JADE2: variants seen among roughly 807,000 people sequenced by gnomAD.
The protein encoded by JADE2 is jade family PHD finger 2.
In JADE2, 13 loss-of-function variants were observed where a neutral mutation model predicts 85.7. The ratio of observed to expected loss-of-function variants is 0.15; its 90% CI spans 0.10 to 0.24. The LOEUF is 0.24. Among genes scored for constraint, JADE2 ranks in the 10% least tolerant of loss-of-function variants. The probability of loss-of-function intolerance (pLI) is 1.00; values close to 1 mark genes in which losing one functional copy is unlikely to be tolerated. For synonymous variants in JADE2, 440 were observed against 456.1 expected, an observed-to-expected ratio of 0.96 and a Z score of 0.45; for missense variants, 846 against 1,115.9, an observed-to-expected ratio of 0.76 and a Z score of 3.45.
rs776562479 is a variant in JADE2, at chr5:134,566,211, C to G, written c.1065C>G (p.Val355=). The G allele has an allele frequency of 5.6e-6, 9 of 1,614,026 alleles. No homozygotes were observed. In the Admixed American group the frequency reaches 1.5e-4, roughly 27 times the overall value. ...CTATATTAGCAGACAACGATGAGGTCAAGTTCAAGTCATTCTGCCAGGAGC... is the reference window on the plus strand; with the variant it reads ...CTATATTAGCAGACAACGATGAGGTGAAGTTCAAGTCATTCTGCCAGGAGC... ...MRTILADNDE[V]KFKSFCQEHS... Residue 355 remains valine (V), a synonymous_variant, in exon 9 of 12, where the codon GTC becomes GTG. Transcript: ENST00000681547. The surrounding 1 kb of genome is among the most constrained non-coding windows in gnomAD (Gnocchi z 6.7).
chr5:134,566,002 T>G lies in JADE2; in HGVS notation c.970-114T>G. 5 of 896,542 alleles carry G rather than the reference T, an allele frequency of 5.6e-6. No homozygotes were observed. Among genetic ancestry groups the G allele is most frequent in the Non-Finnish European group, 8.6e-6 (5 of 578,532 alleles). 55.5% of individuals were successfully genotyped at this position (896,542 alleles called of 1,614,324 possible). Reference sequence around the variant, plus strand: ...GGTTGGGAGCCCATGCCATTCTGTTTAGGTTCTCTCCAGCATTGCGCATTC... The same window carrying G: ...GGTTGGGAGCCCATGCCATTCTGTTGAGGTTCTCTCCAGCATTGCGCATTC... On this transcript the variant is annotated intron_variant, in intron 8 of 11. Transcript: ENST00000681547. The surrounding 1 kb of genome is among the most constrained non-coding windows in gnomAD (Gnocchi z 6.7).
chr5:134,577,230 G>C (rs971713626), intron 11 of JADE2, among the ~76,000 whole-genome samples: 1 of 152,228 alleles, frequency 6.6e-6, no homozygotes, highest in Admixed American at 6.5e-5. Flanking sequence ...CATGCTGGGA[G>C]GGGAGGATCT....
chr5:134,534,585 C>A (rs1458872820), intron 1 of JADE2, among the ~76,000 whole-genome samples: 1 of 152,164 alleles, frequency 6.6e-6, no homozygotes, highest in Non-Finnish European at 1.5e-5. Flanking sequence ...AGAGCAGATG[C>A]TCACTAGTCT....
intron 8 of JADE2, among the ~76,000 whole-genome samples, chr5:134,565,606 A>G (rs1325450676): frequency 6.6e-6 from 1 of 152,162 alleles, no homozygotes; most frequent in Non-Finnish European, 1.5e-5. Context: ...GCACTTTGGG[A>G]GGCCGAGGCA....
intron 1 of JADE2, among the ~76,000 whole-genome samples, chr5:134,530,994 C>G (rs530565465): frequency 6.6e-6 from 1 of 152,320 alleles, no homozygotes; most frequent in South Asian, 2.1e-4. Flanking sequence ...ATGGAATATA[C>G]ATTCCCAAGG....
Position 134,562,122 on chromosome 5 carries a change from G to A in JADE2, c.685-78G>A. 1.4e-6 allele frequency: 2 copies of A among 1,447,178 alleles called. No homozygotes were observed. Among genetic ancestry groups the A allele is most frequent in the Non-Finnish European group, 1.9e-6 (2 of 1,063,882 alleles). 89.6% of individuals were successfully genotyped at this position (1,447,178 alleles called of 1,614,324 possible). On this transcript the variant is annotated intron_variant, in intron 6 of 11. Transcript: ENST00000681547. This position sits in a 1 kb window ranked among gnomAD's most constrained non-coding sequence, Gnocchi z 4.6. ...AGCAGTGTAGCATGGGGCTGGCACT[G>A]GACCAAATGCAGCTGACTGCTGACC...
At chr5:134,526,153 C>A in intron 1 of JADE2, 142 bp downstream of exon 1, 13 of 985,472 alleles carry the variant, frequency 1.3e-5, no homozygotes, top group Non-Finnish European at 1.6e-5. Context: ...GCTGCCTGTT[C>A]TAGGAAGCCA....
rs149337003 is a variant in JADE2 at position 134,541,745 on chromosome 5, G to C, written c.153+3662G>C. 8.9e-3 allele frequency among the ~76,000 whole-genome samples: 1,358 copies of C among 152,350 alleles called. 12 individuals carry two copies. The highest frequency in any genetic ancestry group is 0.017 in the South Asian group (83 of 4,834). ...CACAGTGAATCCAACAGCTATGAAA[G>C]GGCTGGGGTTGGGTTTGGGTGGGAT... On this transcript the variant is annotated intron_variant, in intron 3 of 11. Coordinates refer to ENST00000681547, the MANE Select transcript of JADE2 (RefSeq NM_001388185.1).
At chr5:134,575,234 A>G (rs1326504214) in intron 10 of JADE2, 8 of 152,224 alleles carry the variant, frequency 5.3e-5, no homozygotes, top group Non-Finnish European at 1.5e-5. Context: ...TGCTGCTCAC[A>G]CTGTTGAGAG....
chr5:134,562,432 C>G lies in JADE2; in HGVS notation c.852+65C>G. The G allele has an allele frequency of 1.4e-6, 2 of 1,472,104 alleles. No homozygotes were observed. The highest frequency in any genetic ancestry group is 2.5e-5 in the South Asian group (2 of 80,528). 91.2% of individuals were successfully genotyped at this position (1,472,104 alleles called of 1,614,324 possible). Reference sequence around the variant, plus strand: ...CGTGGGGAAGTGGGTCTGCATGGGACTCAGGTAGCAGAGCACTGGGAAAAG... The same window carrying G: ...CGTGGGGAAGTGGGTCTGCATGGGAGTCAGGTAGCAGAGCACTGGGAAAAG... On this transcript the variant is annotated intron_variant, in intron 7 of 11. Transcript: ENST00000681547. This position sits in a 1 kb window ranked among gnomAD's most constrained non-coding sequence, Gnocchi z 4.6.
intron 3 of JADE2, among the ~76,000 whole-genome samples, chr5:134,542,236 A>G (rs1300664120): frequency 1.3e-5 from 2 of 152,212 alleles, no homozygotes; most frequent in African/African-American, 4.8e-5. Flanking sequence ...CTAGGGAGCT[A>G]GTATAATAAT....
intron 3 of JADE2, 113 bp from the exon 4 acceptor site, chr5:134,551,939 T>C: frequency 1.1e-6 from 1 of 923,878 alleles, no homozygotes; most frequent in Admixed American, 2.0e-5. Flanking sequence ...TATTTCTAAG[T>C]GCGCAGGCAG....
chr5:134,533,430 T>C (rs1037669175), intron 1 of JADE2: 1 of 528,482 alleles, frequency 1.9e-6, no homozygotes, highest in African/African-American at 2.1e-5. Context: ...CTGGGAGGTA[T>C]GTCTTTCCCA....
intron 3 of JADE2, among the ~76,000 whole-genome samples, chr5:134,550,083 A>G (rs1762513526): frequency 6.6e-6 from 1 of 152,270 alleles, no homozygotes; most frequent in Non-Finnish European, 1.5e-5. Flanking sequence ...ACTTGCTAAT[A>G]AGATATGCAA....
chr5:134,564,868 T>G (rs1463903397), intron 8 of JADE2, among the ~76,000 whole-genome samples: 1 of 152,196 alleles, frequency 6.6e-6, no homozygotes, highest in Admixed American at 6.5e-5. Flanking sequence ...ACTCTGGCTT[T>G]CCCTGAAAGC....
At chr5:134,531,408 A>T (rs1354594544) in intron 1 of JADE2, among the ~76,000 whole-genome samples, 2 of 152,074 alleles carry the variant, frequency 1.3e-5, no homozygotes, top group Non-Finnish European at 2.9e-5. Flanking sequence ...TAGGGGCATG[A>T]TATGATCTGA....
At position 134,546,767 on chromosome 5, in the gene JADE2, C is replaced by CA. The variant is rs11340279; in HGVS notation, c.154-5272dup. 1.6e-3 allele frequency among the ~76,000 whole-genome samples: 211 copies of CA among 134,776 alleles called. 1 individual carries two copies. Among genetic ancestry groups the CA allele is most frequent in the Admixed American group, 2.3e-3 (31 of 13,652 alleles). 88.4% of individuals were successfully genotyped at this position (134,776 alleles called of 152,430 possible). On this transcript the variant is annotated intron_variant, in intron 3 of 11. Coordinates refer to ENST00000681547, the MANE Select transcript of JADE2 (RefSeq NM_001388185.1). The stretch of plus-strand genomic sequence containing the variant: ...TGGGTGACAGAACGAGACACCGTCT[C>CA]AAAAAAAAAAAAATGTGTATATATA...
At chr5:134,532,175 G>A (rs1308036792) in intron 1 of JADE2, among the ~76,000 whole-genome samples, 1 of 146,764 alleles carries the variant, frequency 6.8e-6, no homozygotes, top group South Asian at 2.1e-4. Flanking sequence ...GTGAGTCACC[G>A]CACCCCGACT....
At chr5:134,537,956 C>T (rs769537016) in intron 2 of JADE2, 33 bp from the exon 3 acceptor site, 1 of 1,555,560 alleles carries the variant, frequency 6.4e-7, no homozygotes, top group South Asian at 1.1e-5. Flanking sequence ...CCTGGCCCTC[C>T]AGGACCCCTA....
Sources: gnomAD v4.1 joint callset for allele counts (sites outside exome capture counted in the v4.1 genomes callset) on GRCh38, gnomAD v4.1.1 for gene constraint, Gnocchi (gnomAD v3.1) non-coding constraint, MANE v1.5 for transcripts, NCBI Gene and HGNC (gene_info 2026-07-23, HGNC 2026-07-21) for gene names.